OTUD7B: variants seen among roughly 807,000 people sequenced by gnomAD.
OTUD7B encodes the protein OTU domain-containing protein 7B.
OTUD7B carries 34 observed loss-of-function variants against 82.2 expected under a neutral mutation model. The ratio of observed to expected loss-of-function variants is 0.41; its 90% CI spans 0.31 to 0.55. OTUD7B has a LOEUF of 0.55. Ranked by LOEUF, OTUD7B falls within the 20% of genes least tolerant of loss-of-function variation. The probability of loss-of-function intolerance (pLI) is 0.20; values close to 1 mark genes in which losing one functional copy is unlikely to be tolerated. For missense variants in OTUD7B, 944 were observed against 1,062.1 expected, an observed-to-expected ratio of 0.89 and a Z score of 1.55; for synonymous variants, 398 against 402.7, an observed-to-expected ratio of 0.99 and a Z score of 0.14.
At chr1:150,052,816 C>CAAAAAAAAAAAA in the OTUD7B span, among the ~76,000 whole-genome samples, 1 of 9,446 alleles carries the variant, frequency 1.1e-4, no homozygotes, top group African/African-American at 1.7e-4. Flanking sequence ...CAAACGAAAA[C>CAAAAAAAAAAAA]AAAAAACAAA....
upstream of OTUD7B, among the ~76,000 whole-genome samples, chr1:150,014,113 G>C (rs1160919021): frequency 9.8e-6 from 1 of 101,920 alleles, no homozygotes; most frequent in African/African-American, 3.8e-5. Flanking sequence ...TATAGTAGGG[G>C]CTCAGCCAGG....
intron 3 of OTUD7B, among the ~76,000 whole-genome samples, chr1:149,969,239 C>T (rs1337942507): frequency 6.6e-6 from 1 of 152,072 alleles, no homozygotes; most frequent in Non-Finnish European, 1.5e-5. Flanking sequence ...AGTAGGATCC[C>T]TTGAGCCTAG....
intron 1 of OTUD7B, among the ~76,000 whole-genome samples, chr1:149,990,647 T>C (rs915611063): frequency 6.6e-5 from 10 of 152,218 alleles, no homozygotes; most frequent in African/African-American, 2.4e-4. Context: ...TTAAATACTT[T>C]TTGAGGTTTT....
At chr1:150,018,762 G>A in the OTUD7B span, among the ~76,000 whole-genome samples, 2 of 152,134 alleles carry the variant, frequency 1.3e-5, no homozygotes, top group African/African-American at 4.8e-5. Context: ...GCCTGTGACT[G>A]CAAACATTCA....
At chr1:150,022,396 CAAAAAAAA>C in the OTUD7B span, among the ~76,000 whole-genome samples, 144 of 6,084 alleles carry the variant, frequency 0.024, 27 homozygotes, top group Non-Finnish European at 0.063. Flanking sequence ...AAACTCTCTA[CAAAAAAAA>C]AAAAAAAAAA....
rs1406561859 is a variant in OTUD7B at position 149,945,139 on chromosome 1, C to T, written c.1324-74G>A. ...GGGGGAATCCCCCAGGGACCTCTAG[C>T]CCATCCATCTGGCTCAGGGAGCTCC... On this transcript the variant is annotated intron_variant, in intron 11 of 11. Transcript: ENST00000581312. The T allele has an allele frequency of 2.6e-6, 4 of 1,528,338 alleles. No homozygotes were observed. In the African/African-American group the frequency reaches 4.1e-5, roughly 16 times the overall value. 94.7% of individuals were successfully genotyped at this position (1,528,338 alleles called of 1,614,324 possible). A position where few individuals can be genotyped will look rare whatever the true frequency, so the allele number is the denominator to read the frequency against.
In OTUD7B at chr1:149,948,004, A is replaced by C. The variant is rs372581782; in HGVS notation, c.1239-669T>G. ...ATTTATTTATTTATTTTTTGGATGG[A>C]GTTTCACTCTTGTTGCCCATACTGG... On this transcript the variant is annotated intron_variant, in intron 10 of 11. Coordinates refer to ENST00000581312, the MANE Select transcript of OTUD7B (RefSeq NM_020205.4). Among the ~76,000 whole-genome samples the C allele has an allele frequency of 9.9e-4, 150 of 152,186 alleles. 3 individuals carry two copies. In the South Asian group the frequency reaches 0.029, roughly 30 times the overall value.
At chr1:149,960,299 T>C (rs1320288998) in intron 6 of OTUD7B, among the ~76,000 whole-genome samples, 6 of 152,010 alleles carry the variant, frequency 3.9e-5, no homozygotes, top group African/African-American at 1.5e-4. Flanking sequence ...TCTCTTCTAC[T>C]GCCATAATCT....
At chr1:150,032,933 T>G in the OTUD7B span, among the ~76,000 whole-genome samples, 1 of 152,236 alleles carries the variant, frequency 6.6e-6, no homozygotes, top group East Asian at 1.9e-4. Context: ...ACATATACTT[T>G]ACTTGCTAAA....
intron 7 of OTUD7B, among the ~76,000 whole-genome samples, chr1:149,957,279 G>T (rs1270783222): frequency 6.6e-6 from 1 of 151,736 alleles, no homozygotes; most frequent in African/African-American, 2.4e-5. Context: ...CTGCAGGTCT[G>T]TTGGAGTTTG....
intron 1 of OTUD7B, among the ~76,000 whole-genome samples, chr1:149,999,076 T>C (rs7517085): frequency 0.047 from 7,123 of 152,258 alleles, 581 homozygotes; most frequent in African/African-American, 0.16. Context: ...CCTTAGTGCA[T>C]TGTCCCCAGA....
chr1:149,956,696 C>T (rs2101775696), intron 7 of OTUD7B, among the ~76,000 whole-genome samples: 1 of 152,322 alleles, frequency 6.6e-6, no homozygotes, highest in South Asian at 2.1e-4. Context: ...TTGGTCTTTT[C>T]ACATAGTCCC....
upstream of OTUD7B, among the ~76,000 whole-genome samples, chr1:150,013,947 T>TATACACAC (rs782181773): frequency 1.9e-4 from 20 of 104,382 alleles, no homozygotes; most frequent in South Asian, 2.3e-3. Flanking sequence ...AATATATATA[T>TATACACAC]ACACACACAC....
At chr1:150,016,446 C>CTTTTCTTTTTTTTTTTTTT in the OTUD7B span, among the ~76,000 whole-genome samples, 2 of 130,062 alleles carry the variant, frequency 1.5e-5, 1 homozygote. Flanking sequence ...TTTCTCTTTT[C>CTTTTCTTTTTTTTTTTTTT]TTTTTCTTTT....
At position 149,967,413 on chromosome 1, in the gene OTUD7B, A is replaced by G. The variant is rs782620540; in HGVS notation, c.383T>C (p.Leu128Pro). 3.7e-6 allele frequency: 6 copies of G among 1,614,082 alleles called. No individual in the cohort carries two copies. In the East Asian group the frequency reaches 6.7e-5, roughly 18 times the overall value. Residue 128 changes from leucine (L) to proline (P), a missense_variant, in exon 4 of 12, where the codon CTG (leucine) becomes CCG (proline). Physicochemically the swap from Leu to Pro is moderately conservative, Grantham distance 98. Coordinates refer to ENST00000581312, the MANE Select transcript of OTUD7B (RefSeq NM_020205.4). ...CTGGAAGGCACAGATGGGCATTTCC[A>G]GGGGGTGCTCATTGCTCCCCCCACC... is the stretch of plus-strand genomic sequence containing the variant. ...GGGGGSNEHP[L>P]EMPICAFQLP... is the part of the protein sequence containing the mutation.
rs782591606 is a variant in OTUD7B at position 149,971,058 on chromosome 1, A to G, written c.274+5T>C. On this transcript the variant is annotated splice_donor_5th_base_variant and intron_variant, in intron 3 of 11. Transcript: ENST00000581312. ...TATACGGAAACATTCCAGTCACCCC[A>G]GTACCTTGAACGATGTCATCCTGCC... The G allele has an allele frequency of 6.3e-7, 1 of 1,597,284 alleles. No homozygotes were observed. The highest frequency in any genetic ancestry group is 1.7e-5 in the Admixed American group (1 of 59,378).
chr1:149,959,884 A>G, intron 6 of OTUD7B, 88 bp from the exon 7 acceptor site: 1 of 813,620 alleles, frequency 1.2e-6, no homozygotes, highest in South Asian at 1.4e-5. Flanking sequence ...ACTGTTACTT[A>G]CTCCCTAATC....
rs1553771353 is a variant in OTUD7B at position 149,944,340 on chromosome 1, G to A, written c.2049C>T (p.Ser683=). The A allele has an allele frequency of 1.2e-6, 2 of 1,613,072 alleles. No individual in the cohort carries two copies. The highest frequency in any genetic ancestry group is 1.7e-5 in the Admixed American group (1 of 59,978). Residue 683 remains serine, a synonymous_variant, in exon 12 of 12, where the codon TCC becomes TCT. Transcript: ENST00000581312. The part of the protein sequence containing the change: ...EEQPTGPPAE[S]RAMAFSTGYP... Reference sequence around the variant, plus strand: ...AGCCAGTGGAAAATGCCATTGCCCTGGACTCTGCTGGGGGACCGGTCGGCT... The same window carrying A: ...AGCCAGTGGAAAATGCCATTGCCCTAGACTCTGCTGGGGGACCGGTCGGCT...
chr1:149,990,820 C>T (rs112066729), intron 1 of OTUD7B, among the ~76,000 whole-genome samples: 3,205 of 152,042 alleles, frequency 0.021, 92 homozygotes, highest in African/African-American at 0.07. Flanking sequence ...AGTGAAACCC[C>T]GTCTCTACTA....
Sources: gnomAD v4.1 joint callset for allele counts (sites outside exome capture counted in the v4.1 genomes callset) on GRCh38, gnomAD v4.1.1 for gene constraint, MANE v1.5 for transcripts, NCBI Gene and HGNC (gene_info 2026-07-23, HGNC 2026-07-21) for gene names.